ROBO1: variants seen among roughly 807,000 people sequenced by gnomAD.
The protein encoded by ROBO1 is roundabout guidance receptor 1, also known as roundabout homolog 1.
In ROBO1, 149 loss-of-function variants were observed where a neutral mutation model predicts 195.9. The observed-to-expected ratio is 0.76, with a 90% CI of 0.67 to 0.87. The LOEUF is 0.87. Among genes scored for constraint, ROBO1 ranks in the 40% least tolerant of loss-of-function variants. The pLI, the probability that ROBO1 is intolerant of heterozygous loss-of-function variation, is 0.00. For synonymous variants in ROBO1, 816 were observed against 733.2 expected (o/e 1.11, Z -1.82); for missense variants, 1,933 against 2,068.3 (o/e 0.93, Z 1.27).
chr3:79,406,273 A>T (rs989868909), intron 2 of ROBO1, among the ~76,000 whole-genome samples: 4 of 151,780 alleles, frequency 2.6e-5, no homozygotes, highest in African/African-American at 9.7e-5. Flanking sequence ...TCTCTAAAAA[A>T]AAAAGTTAAC....
intron 2 of ROBO1, among the ~76,000 whole-genome samples, chr3:79,498,071 A>G (rs937594148): frequency 6.6e-6 from 1 of 152,200 alleles, no homozygotes; most frequent in African/African-American, 2.4e-5. Context: ...AATTAGAATG[A>G]CCAACACAGT....
intron 10 of ROBO1, among the ~76,000 whole-genome samples, chr3:78,674,341 G>T (rs76379625): frequency 0.014 from 2,081 of 152,320 alleles, 18 homozygotes; most frequent in Non-Finnish European, 0.017. Context: ...AGAAGGTCAA[G>T]AAGCTAAAGA....
At chr3:79,136,778 A>AT (rs1486609791) in intron 2 of ROBO1, among the ~76,000 whole-genome samples, 1 of 151,988 alleles carries the variant, frequency 6.6e-6, no homozygotes, top group Admixed American at 6.6e-5. Context: ...TATCTGTCCC[A>AT]TTTTTTTGAA....
At chr3:79,300,607 G>A (rs757814767) in intron 2 of ROBO1, among the ~76,000 whole-genome samples, 3 of 152,188 alleles carry the variant, frequency 2.0e-5, no homozygotes, top group Non-Finnish European at 4.4e-5. Flanking sequence ...GCGTGCAGGC[G>A]CACTGCAGTG....
intron 2 of ROBO1, among the ~76,000 whole-genome samples, chr3:79,281,549 T>C (rs2031509595): frequency 6.6e-6 from 1 of 152,198 alleles, no homozygotes; most frequent in Non-Finnish European, 1.5e-5. Flanking sequence ...GTTTGTATTG[T>C]AATATTCTGT....
intron 5 of ROBO1, among the ~76,000 whole-genome samples, chr3:78,742,380 T>C (rs1197750999): frequency 6.6e-6 from 1 of 152,118 alleles, no homozygotes; most frequent in Non-Finnish European, 1.5e-5. Flanking sequence ...TTTAAGAATT[T>C]ATTTTCACTA....
chr3:79,077,860 T>C (rs4680953), intron 3 of ROBO1, among the ~76,000 whole-genome samples: 145,259 of 151,906 alleles, frequency 0.96, 69,814 homozygotes, highest in East Asian at 1. Flanking sequence ...TTTACTTCTC[T>C]AAGTACTCAC....
chr3:79,052,707 G>T (rs775427304), intron 3 of ROBO1, among the ~76,000 whole-genome samples: 22 of 152,046 alleles, frequency 1.4e-4, no homozygotes, highest in Non-Finnish European at 3.1e-4. Flanking sequence ...AAATAGAAAA[G>T]AACCTACATT....
intron 3 of ROBO1, among the ~76,000 whole-genome samples, chr3:79,082,575 T>C (rs2079293994): frequency 6.6e-6 from 1 of 152,142 alleles, no homozygotes; most frequent in Non-Finnish European, 1.5e-5. Flanking sequence ...AGACCAAATG[T>C]AGAAATGTTC....
chr3:79,316,966 T>C (rs990402191), intron 2 of ROBO1, among the ~76,000 whole-genome samples: 3 of 152,180 alleles, frequency 2.0e-5, no homozygotes, highest in South Asian at 2.1e-4. Flanking sequence ...CACACTGTCA[T>C]TGCATGTTGC....
chr3:78,794,381 G>T (rs558144504), intron 4 of ROBO1, among the ~76,000 whole-genome samples: 1 of 152,084 alleles, frequency 6.6e-6, no homozygotes, highest in Admixed American at 6.5e-5. Context: ...AACTACTGTT[G>T]TCTTATTTTA....
chr3:79,302,138 G>A (rs1397134623), intron 2 of ROBO1, among the ~76,000 whole-genome samples: 2 of 152,144 alleles, frequency 1.3e-5, no homozygotes, highest in African/African-American at 4.8e-5. Context: ...GTTAGTACAG[G>A]AACTATACAC....
At chr3:78,898,724 G>T (rs1254429662) in intron 4 of ROBO1, among the ~76,000 whole-genome samples, 2 of 151,788 alleles carry the variant, frequency 1.3e-5, no homozygotes, top group African/African-American at 4.8e-5. Context: ...ATGGAAGTCT[G>T]TATATATTTA....
At chr3:78,906,664 A>T (rs913517469) in intron 4 of ROBO1, among the ~76,000 whole-genome samples, 1 of 152,156 alleles carries the variant, frequency 6.6e-6, no homozygotes, top group Non-Finnish European at 1.5e-5. Flanking sequence ...TTTGATGTCA[A>T]GACAGTTTTG....
At chr3:78,692,099 A>G (rs2081188713) in intron 8 of ROBO1, among the ~76,000 whole-genome samples, 1 of 151,652 alleles carries the variant, frequency 6.6e-6, no homozygotes, top group African/African-American at 2.4e-5. Context: ...CTGTGCTTTT[A>G]TATCTTCATT....
intron 4 of ROBO1, among the ~76,000 whole-genome samples, chr3:78,806,108 C>T (rs533842048): frequency 6.6e-6 from 1 of 151,988 alleles, no homozygotes; most frequent in Non-Finnish European, 1.5e-5. Flanking sequence ...TGCAGGTGTG[C>T]ACTACCACAT....
intron 1 of ROBO1, among the ~76,000 whole-genome samples, chr3:79,604,239 A>G (rs962285087): frequency 1.3e-5 from 2 of 151,932 alleles, no homozygotes; most frequent in Admixed American, 1.3e-4. Flanking sequence ...AATCAAAACA[A>G]AAAAAAGTAG....
At chr3:79,666,892 T>C (rs1285789160) in intron 1 of ROBO1, among the ~76,000 whole-genome samples, 1 of 151,912 alleles carries the variant, frequency 6.6e-6, no homozygotes. Flanking sequence ...AATTGCACCA[T>C]TAAGGTAATA....
chr3:78,645,106 C>T (rs1706195483), intron 21 of ROBO1, among the ~76,000 whole-genome samples: 1 of 152,072 alleles, frequency 6.6e-6, no homozygotes, highest in Admixed American at 6.6e-5. Context: ...CTGTCACTGG[C>T]TGGCTTTGTT....
Sources: gnomAD v4.1 joint callset for allele counts (sites outside exome capture counted in the v4.1 genomes callset) on GRCh38, gnomAD v4.1.1 for gene constraint, MANE v1.5 for transcripts, NCBI Gene and HGNC (gene_info 2026-07-23, HGNC 2026-07-21) for gene names.